Variants in SRGAP1 observed in about 807,000 individuals in gnomAD.
The protein encoded by SRGAP1 is SLIT-ROBO Rho GTPase-activating protein 1.
Under a neutral mutation model 121.9 loss-of-function variants are expected in SRGAP1, and 43 were observed. That is an observed-to-expected ratio of 0.35 (90% CI 0.28 to 0.46). The LOEUF is 0.46. SRGAP1 is among the 20% of genes least tolerant of loss of function. The pLI is 1.00. For missense variants in SRGAP1, 1,102 were observed against 1,350.9 expected (o/e 0.82, Z 2.89); for synonymous variants, 447 against 485.4 (o/e 0.92, Z 1.04).
intron 8 of SRGAP1, among the ~76,000 whole-genome samples, chr12:64,065,803 G>A (rs2136541017): frequency 6.6e-6 from 1 of 152,170 alleles, no homozygotes; most frequent in South Asian, 2.1e-4. Context: ...TTTTGGTACT[G>A]AACATGGCAT....
chr12:64,065,177 G>A lies in SRGAP1; in HGVS notation c.1083G>A (p.Gln361=), dbSNP rs1270574771. ...VQAELMLRYQ[Q]LQSRLATLKI... ...CAGAGCTCATGCTCAGGTACCAACA[G>A]TTGCAGTCCCGCCTTGCCACGCTCA... The change falls in exon 8 of 22, where the codon CAG becomes CAA. Residue 361 remains glutamine, a synonymous_variant. Coordinates refer to ENST00000355086, the MANE Select transcript of SRGAP1 (RefSeq NM_020762.4). The A allele has an allele frequency of 1.2e-6, 2 of 1,613,676 alleles. No homozygotes were observed. Among genetic ancestry groups the A allele is most frequent in the South Asian group, 2.2e-5 (2 of 91,032 alleles).
intron 1 of SRGAP1, among the ~76,000 whole-genome samples, chr12:63,897,698 G>A (rs75180182): frequency 0.07 from 10,620 of 152,204 alleles, 409 homozygotes; most frequent in East Asian, 0.13. Flanking sequence ...TCTCAACTTA[G>A]TAAAATGTTT....
intron 1 of SRGAP1, among the ~76,000 whole-genome samples, chr12:63,860,222 G>A (rs1899398583): frequency 6.6e-6 from 1 of 152,116 alleles, no homozygotes; most frequent in East Asian, 1.9e-4. Flanking sequence ...TGTTGCTCAG[G>A]CTTGTCTCAA....
intron 10 of SRGAP1, among the ~76,000 whole-genome samples, chr12:64,083,600 C>T (rs2035886909): frequency 6.6e-6 from 1 of 152,170 alleles, no homozygotes; most frequent in Non-Finnish European, 1.5e-5. Flanking sequence ...TTCTTCATCC[C>T]TCAGCAACAC....
intron 1 of SRGAP1, among the ~76,000 whole-genome samples, chr12:63,922,523 A>G (rs1277448430): frequency 6.6e-6 from 1 of 152,226 alleles, no homozygotes; most frequent in Non-Finnish European, 1.5e-5. Context: ...TCAGACAGAC[A>G]AAGTCTTAGT....
intron 1 of SRGAP1, among the ~76,000 whole-genome samples, chr12:63,866,246 C>T (rs111613864): frequency 0.011 from 1,626 of 152,274 alleles, 11 homozygotes; most frequent in Non-Finnish European, 0.018. Context: ...AGTGGCCAGC[C>T]ACTATGCTTC....
intron 4 of SRGAP1, 89 bp downstream of exon 4, chr12:64,017,101 G>A: frequency 1.3e-6 from 1 of 749,406 alleles, no homozygotes; most frequent in South Asian, 2.2e-5. Flanking sequence ...TTCATTCCAA[G>A]CCAGAGTGAC....
intron 15 of SRGAP1, among the ~76,000 whole-genome samples, chr12:64,101,880 AG>A (rs1219484331): frequency 6.6e-6 from 1 of 152,188 alleles, no homozygotes; most frequent in Non-Finnish European, 1.5e-5. Flanking sequence ...CTTGGATATG[AG>A]GAAACGGTTT....
chr12:63,849,217 C>T (rs1898997992), intron 1 of SRGAP1, among the ~76,000 whole-genome samples: 1 of 152,210 alleles, frequency 6.6e-6, no homozygotes, highest in Non-Finnish European at 1.5e-5. Flanking sequence ...TTGTTAGCAT[C>T]TCTGGCAAAT....
chr12:63,873,015 A>C (rs1302676805), intron 1 of SRGAP1, among the ~76,000 whole-genome samples: 1 of 152,126 alleles, frequency 6.6e-6, no homozygotes, highest in African/African-American at 2.4e-5. Context: ...AATGATTCTA[A>C]TATGTTTCCT....
chr12:63,961,955 A>G (rs890346047), intron 1 of SRGAP1, among the ~76,000 whole-genome samples: 21 of 152,178 alleles, frequency 1.4e-4, no homozygotes, highest in Non-Finnish European at 2.4e-4. Context: ...ACCTCAATCA[A>G]GTAAGACAGG....
chr12:64,099,662 G>T (rs2036223805), intron 15 of SRGAP1, among the ~76,000 whole-genome samples: 1 of 152,162 alleles, frequency 6.6e-6, no homozygotes, highest in African/African-American at 2.4e-5. Flanking sequence ...AAATGAAAAG[G>T]AGGTGTTTCA....
chr12:64,076,337 ATT>A (rs1236800637), intron 8 of SRGAP1, among the ~76,000 whole-genome samples: 2 of 152,218 alleles, frequency 1.3e-5, no homozygotes, highest in African/African-American at 4.8e-5. Flanking sequence ...CAAAAGAACT[ATT>A]TACAATGTTC....
In SRGAP1 at chr12:64,145,847, C is replaced by A. The variant is rs1199304938; in HGVS notation, c.*3175C>A. 1 of 152,120 alleles carries A rather than the reference C, an allele frequency of 6.6e-6. No homozygotes were observed. The highest frequency in any genetic ancestry group is 6.5e-5 in the Admixed American group (1 of 15,270). The allele number at this position is 152,120 out of a possible 1,614,324, so 9.4% of individuals were successfully genotyped here. On this transcript the variant is annotated 3_prime_UTR_variant, in exon 22 of 22. Coordinates refer to ENST00000355086, the MANE Select transcript of SRGAP1 (RefSeq NM_020762.4). ...GATAATGAGGCCTTGAGGTGTTCTG[C>A]CCCCAATTTCAAGGAGCTTATCAGG...
chr12:64,001,169 A>C (rs2136435740), intron 3 of SRGAP1, among the ~76,000 whole-genome samples: 1 of 152,298 alleles, frequency 6.6e-6, no homozygotes, highest in African/African-American at 2.4e-5. Context: ...ATTAGGTCTT[A>C]TATATAATAT....
At chr12:64,099,568 A>T (rs2036221990) in intron 15 of SRGAP1, among the ~76,000 whole-genome samples, 1 of 152,098 alleles carries the variant, frequency 6.6e-6, no homozygotes, top group Admixed American at 6.5e-5. Flanking sequence ...GTCCCATTGG[A>T]ATTTAGAAGT....
chr12:63,857,673 C>T (rs997356114), intron 1 of SRGAP1, among the ~76,000 whole-genome samples: 3 of 152,202 alleles, frequency 2.0e-5, no homozygotes, highest in African/African-American at 4.8e-5. Flanking sequence ...CATGAGCCAC[C>T]GTGCCTGGCT....
chr12:63,955,604 T>C (rs894434413), intron 1 of SRGAP1, among the ~76,000 whole-genome samples: 2 of 152,166 alleles, frequency 1.3e-5, no homozygotes, highest in African/African-American at 4.8e-5. Context: ...GGCCAACTGA[T>C]AGAAAAGGAG....
intron 8 of SRGAP1, among the ~76,000 whole-genome samples, chr12:64,067,803 T>G (rs2035566773): frequency 6.6e-6 from 1 of 152,018 alleles, no homozygotes; most frequent in Non-Finnish European, 1.5e-5. Flanking sequence ...GTTAAGGAGT[T>G]TTGTTACTGT....
Sources: allele counts gnomAD v4.1 joint callset (sites outside exome capture counted in the v4.1 genomes callset), GRCh38; gene constraint gnomAD v4.1.1; transcripts MANE v1.5; gene names NCBI Gene and HGNC (gene_info 2026-07-23, HGNC 2026-07-21).